Variants in EP400 observed in about 807,000 individuals in gnomAD.
EP400 encodes E1A binding protein p400.
EP400 carries 105 observed loss-of-function variants against 354.1 expected under a neutral mutation model. The ratio of observed to expected loss-of-function variants is 0.30; its 90% CI spans 0.25 to 0.35. The LOEUF (loss-of-function observed/expected upper bound fraction) is 0.35, where lower values mean the gene tolerates loss of function less well. Ranked by LOEUF, EP400 falls within the 10% of genes least tolerant of loss-of-function variation. EP400 has a pLI of 1.00. For missense variants in EP400, 3,280 were observed against 4,121.0 expected (o/e 0.80, Z 5.59); for synonymous variants, 1,646 against 1,716.9 (o/e 0.96, Z 1.02).
chr12:132,025,813 C>G lies in EP400; in HGVS notation c.5014+9C>G. On this transcript the variant is annotated intron_variant, in intron 25 of 52. Transcript: ENST00000389561. This position sits in a 1 kb window ranked among gnomAD's most constrained non-coding sequence, Gnocchi z 4.1. ...ACCCTTGACCCCACAAGGTAGGGTG[C>G]TCTGAGCAGGAGGGAGACTTGGCTT... The G allele has an allele frequency of 6.3e-7, 1 of 1,583,656 alleles. No homozygotes were observed. Among genetic ancestry groups the G allele is most frequent in the South Asian group, 1.1e-5 (1 of 87,130 alleles).
At chr12:131,964,085 C>T (rs1328685949) in intron 2 of EP400, among the ~76,000 whole-genome samples, 1 of 152,200 alleles carries the variant, frequency 6.6e-6, no homozygotes, top group Non-Finnish European at 1.5e-5. Flanking sequence ...CTGAAATCAT[C>T]AGGACCACAG....
intron 45 of EP400, among the ~76,000 whole-genome samples, 157 bp from the exon 46 acceptor site, chr12:132,061,953 C>T (rs1351212633): frequency 6.6e-6 from 1 of 152,240 alleles, no homozygotes; most frequent in Non-Finnish European, 1.5e-5. Context: ...TGTGAATTTA[C>T]ACATGAAATC....
chr12:132,016,954 G>A (rs533078604), intron 19 of EP400, among the ~76,000 whole-genome samples: 21 of 152,230 alleles, frequency 1.4e-4, no homozygotes, highest in East Asian at 1.2e-3. Context: ...CTATCACCCC[G>A]GTTTCCTCCC....
rs147513614 is a variant in EP400, at chr12:131,965,633, AC to A, written c.1335+3682del. Among the ~76,000 whole-genome samples the A allele has an allele frequency of 7.1e-3, 1,080 of 152,252 alleles. 35 individuals are homozygous for A. The South Asian group carries it at 0.093, about 13-fold the overall frequency. ...CACCTCCCAAAATGTTCCCTCATCA[AC>A]CCTTCACGCCTCCCTTGACCTTTGT... On this transcript the variant is annotated intron_variant, in intron 2 of 52. Transcript: ENST00000389561.
chr12:132,018,465 C>G lies in EP400; in HGVS notation c.4277+89C>G. On this transcript the variant is annotated intron_variant, in intron 21 of 52. Coordinates refer to ENST00000389561, the MANE Select transcript of EP400 (RefSeq NM_015409.5). This position sits in a 1 kb window ranked among gnomAD's most constrained non-coding sequence, Gnocchi z 4.0. ...CTATGCGTGGTGAAAAGAAAGGCTG[C>G]TAATGTAGTTAGGTTATCTGCTGCT... 1 of 1,499,554 alleles carries G rather than the reference C, an allele frequency of 6.7e-7. No homozygotes were observed. The allele number at this position is 1,499,554 out of a possible 1,614,324, so 92.9% of individuals were successfully genotyped here. A position where few individuals can be genotyped will look rare whatever the true frequency, so the allele number is the denominator to read the frequency against.
At chr12:132,048,509 T>A (rs1274736647) in intron 39 of EP400, among the ~76,000 whole-genome samples, 1 of 149,976 alleles carries the variant, frequency 6.7e-6, no homozygotes, top group Non-Finnish European at 1.5e-5. Flanking sequence ...ATTTGTAAAG[T>A]TTGAGAGTGA....
At chr12:132,065,521 T>G (rs1432700159) in intron 48 of EP400, 1 of 153,026 alleles carries the variant, frequency 6.5e-6, no homozygotes, top group African/African-American at 2.4e-5. Flanking sequence ...CCAGTGCTCA[T>G]GGACTGCCCC....
At chr12:132,060,959 A>G (rs922145309) in intron 45 of EP400, among the ~76,000 whole-genome samples, 1 of 152,080 alleles carries the variant, frequency 6.6e-6, no homozygotes, top group Non-Finnish European at 1.5e-5. Context: ...AAAAAAAACA[A>G]GGGCAAAATA....
chr12:131,956,687 G>A (rs1229818614), intron 1 of EP400, among the ~76,000 whole-genome samples: 2 of 152,030 alleles, frequency 1.3e-5, no homozygotes, highest in African/African-American at 2.4e-5. Context: ...TTCCCAAATT[G>A]CTTCTGTAAT....
Position 132,013,469 on chromosome 12 carries a change from T to A in EP400, c.3612-21T>A, listed in dbSNP as rs753482509. 3 of 1,535,256 alleles carry A rather than the reference T, an allele frequency of 2.0e-6. No homozygotes were observed. Among genetic ancestry groups the A allele is most frequent in the Non-Finnish European group, 2.6e-6 (3 of 1,140,774 alleles). ...CCCCGTGGCTGTAGAACTCCAGTGT[T>A]GTCTCTTGTCCTGTTTGCAGCCAAC... On this transcript the variant is annotated intron_variant, in intron 17 of 52. Coordinates refer to ENST00000389561, the MANE Select transcript of EP400 (RefSeq NM_015409.5). The surrounding 1 kb of genome is among the most constrained non-coding windows in gnomAD (Gnocchi z 4.5).
Position 132,025,027 on chromosome 12 carries a change from A to C in EP400, c.4856-619A>C, listed in dbSNP as rs757858345. ...CAGCAGAACAAGGCCTGCCACAGAG[A>C]AACGATTCAGTCTGGTTTACTTCCT... is the stretch of plus-strand genomic sequence containing the variant. On this transcript the variant is annotated intron_variant, in intron 24 of 52. Transcript: ENST00000389561. The surrounding 1 kb of genome is among the most constrained non-coding windows in gnomAD (Gnocchi z 4.1). Among the ~76,000 whole-genome samples, 1 of 152,084 alleles carries C rather than the reference A, an allele frequency of 6.6e-6. No homozygotes were observed. Among genetic ancestry groups the C allele is most frequent in the Non-Finnish European group, 1.5e-5 (1 of 68,014 alleles).
Position 132,023,960 on chromosome 12 carries a change from G to C in EP400, c.4855+19G>C. The C allele has an allele frequency of 6.4e-7, 1 of 1,551,044 alleles. No individual in the cohort carries two copies. The highest frequency in any genetic ancestry group is 2.3e-5 in the East Asian group (1 of 43,074). Reference sequence around the variant, plus strand: ...CTGCAAGGTAAGGATAAGGATGAGAGAGCACTGATGCCAAAAATGACAAAA... The same window carrying C: ...CTGCAAGGTAAGGATAAGGATGAGACAGCACTGATGCCAAAAATGACAAAA... On this transcript the variant is annotated intron_variant, in intron 24 of 52. Transcript: ENST00000389561.
intron 12 of EP400, among the ~76,000 whole-genome samples, chr12:132,003,482 G>A (rs868310239): frequency 6.6e-6 from 1 of 152,080 alleles, no homozygotes; most frequent in Non-Finnish European, 1.5e-5. Context: ...AGGGACGACT[G>A]TATTTAATTT....
intron 5 of EP400, among the ~76,000 whole-genome samples, chr12:131,983,205 G>A (rs1021835457): frequency 6.6e-6 from 1 of 152,124 alleles, no homozygotes; most frequent in Non-Finnish European, 1.5e-5. Flanking sequence ...AGTGATGAGC[G>A]GGGCTTGACC....
chr12:131,979,085 C>T (rs1892586117), intron 2 of EP400, among the ~76,000 whole-genome samples: 1 of 151,870 alleles, frequency 6.6e-6, no homozygotes, highest in African/African-American at 2.4e-5. Flanking sequence ...GGCGTGGTGG[C>T]AGGCGCCTGT....
intron 19 of EP400, among the ~76,000 whole-genome samples, chr12:132,016,892 A>C (rs1893956954): frequency 6.6e-6 from 1 of 151,908 alleles, no homozygotes; most frequent in African/African-American, 2.4e-5. Flanking sequence ...CTCTTCCCAC[A>C]AGTCTGCCAT....
chr12:131,986,168 G>T (rs1337707350), intron 5 of EP400, among the ~76,000 whole-genome samples: 1 of 151,716 alleles, frequency 6.6e-6, no homozygotes, highest in Non-Finnish European at 1.5e-5. Context: ...TAGAGATGGG[G>T]TCTTTCTTTG....
intron 48 of EP400, 113 bp downstream of exon 48, chr12:132,064,999 G>C: frequency 6.8e-7 from 1 of 1,466,514 alleles, no homozygotes; most frequent in Non-Finnish European, 9.0e-7. Flanking sequence ...TGTGAGACGG[G>C]TTCTTTTCCC....
intron 1 of EP400, among the ~76,000 whole-genome samples, chr12:131,954,740 A>C (rs552420893): frequency 7.3e-5 from 11 of 151,358 alleles, no homozygotes; most frequent in African/African-American, 2.7e-4. Context: ...AAAAAAAAAA[A>C]AAAAAAAATG....
Sources: allele counts gnomAD v4.1 joint callset (sites outside exome capture counted in the v4.1 genomes callset), GRCh38; gene constraint gnomAD v4.1.1; non-coding constraint Gnocchi (gnomAD v3.1); transcripts MANE v1.5; gene names NCBI Gene and HGNC (gene_info 2026-07-23, HGNC 2026-07-21).